The following ABCB9 variants were observed in gnomAD, a reference collection of about 807,000 sequenced individuals.
ABCB9 encodes ABC-type oligopeptide transporter ABCB9.
A neutral mutation model predicts 62.0 loss-of-function variants in ABCB9; 36 were observed. The observed-to-expected ratio is 0.58, with a 90% CI of 0.45 to 0.77. ABCB9 has a LOEUF of 0.77. ABCB9 is among the 30% of genes least tolerant of loss of function. The pLI is 0.00. For missense variants in ABCB9, 943 were observed against 1,054.7 expected (o/e 0.89, Z 1.47); for synonymous variants, 435 against 461.4 (o/e 0.94, Z 0.73).
chr12:122,950,063 C>T, intron 3 of ABCB9, 145 bp from the exon 4 acceptor site: 1 of 1,123,380 alleles, frequency 8.9e-7, no homozygotes, highest in Non-Finnish European at 1.3e-6. Flanking sequence ...CCCCCTCATT[C>T]CCAGTGGGAG....
Position 122,940,383 on chromosome 12 carries a change from C to G in ABCB9, c.1570-99G>C. The G allele has an allele frequency of 1.4e-6, 2 of 1,397,574 alleles. No homozygotes were observed. The highest frequency in any genetic ancestry group is 5.1e-5 in the Admixed American group (2 of 39,136). 86.6% of individuals were successfully genotyped at this position (1,397,574 alleles called of 1,614,324 possible). On this transcript the variant is annotated intron_variant, in intron 8 of 11. Coordinates refer to ENST00000280560, the MANE Select transcript of ABCB9 (RefSeq NM_019625.4). This position sits in a 1 kb window ranked among gnomAD's most constrained non-coding sequence, Gnocchi z 4.8. The stretch of plus-strand genomic sequence containing the variant: ...CAGGTGGGTGCCCTTCCCAGCCCAC[C>G]CCATGTGCCTCTCCCTCGCTTGGGC...
chr12:122,933,829 G>A (rs2035319622), intron 10 of ABCB9, among the ~76,000 whole-genome samples: 1 of 152,094 alleles, frequency 6.6e-6, no homozygotes, highest in South Asian at 2.1e-4. Context: ...CATATACACT[G>A]TGGAATAGCT....
chr12:122,969,425 G>C (rs1302964976), upstream of ABCB9, among the ~76,000 whole-genome samples: 2 of 152,200 alleles, frequency 1.3e-5, no homozygotes, highest in Non-Finnish European at 2.9e-5. Context: ...GAATTGTATG[G>C]TATGTACAGT....
In ABCB9 at chr12:122,932,421, G is replaced by C. The variant is rs1252178098; in HGVS notation, c.1904-93C>G. ...AGGCCCTGCCCTGCAGCTGTGGAAAGGGCGGGCTGGAACCCACAACTTGAA... is the reference window on the plus strand; with the variant it reads ...AGGCCCTGCCCTGCAGCTGTGGAAACGGCGGGCTGGAACCCACAACTTGAA... On this transcript the variant is annotated intron_variant, in intron 10 of 11. Transcript: ENST00000280560. The surrounding 1 kb of genome is among the most constrained non-coding windows in gnomAD (Gnocchi z 4.7). 4 of 1,448,710 alleles carry C rather than the reference G, an allele frequency of 2.8e-6. No homozygotes were observed. The highest frequency in any genetic ancestry group is 3.7e-6 in the Non-Finnish European group (4 of 1,094,202). 89.7% of individuals were successfully genotyped at this position (1,448,710 alleles called of 1,614,324 possible).
rs2036185717 is a variant in ABCB9 at position 122,948,696 on chromosome 12, C to T, written c.981G>A (p.Gln327=). ...VVVFMFSLSW[Q]LSLVTFMGFP... is the part of the protein sequence containing the mutation. Reference sequence around the variant, plus strand: ...AGCCCATGAAGGTGACCAAGGAGAGCTGCCATGAGAGGCTGAACATGAAGA... The same window carrying T: ...AGCCCATGAAGGTGACCAAGGAGAGTTGCCATGAGAGGCTGAACATGAAGA... The change falls in exon 5 of 12, where the codon CAG becomes CAA. Residue 327 remains glutamine, a synonymous_variant. Transcript: ENST00000280560. 3 of 1,614,068 alleles carry T rather than the reference C, an allele frequency of 1.9e-6. No individual in the cohort carries two copies. Among genetic ancestry groups the T allele is most frequent in the East Asian group, 4.5e-5 (2 of 44,876 alleles).
At chr12:122,945,896 A>G in intron 6 of ABCB9, 129 bp downstream of exon 6, 3 of 950,050 alleles carry the variant, frequency 3.2e-6, no homozygotes, top group Non-Finnish European at 4.6e-6. Flanking sequence ...AAAAAAAAAA[A>G]AAGAAAGACA....
chr12:122,940,329 C>G lies in ABCB9; in HGVS notation c.1570-45G>C, dbSNP rs761210567. ...ACAGTGCGGGGTTATCGGCTCAGGT[C>G]CCAGGACTGGATGCCCTGACCTTGG... On this transcript the variant is annotated intron_variant, in intron 8 of 11. Coordinates refer to ENST00000280560, the MANE Select transcript of ABCB9 (RefSeq NM_019625.4). This position sits in a 1 kb window ranked among gnomAD's most constrained non-coding sequence, Gnocchi z 4.8. 2 of 1,518,488 alleles carry G rather than the reference C, an allele frequency of 1.3e-6. No individual in the cohort carries two copies. Among genetic ancestry groups the G allele is most frequent in the Non-Finnish European group, 1.8e-6 (2 of 1,131,266 alleles). The allele number at this position is 1,518,488 out of a possible 1,614,324, so 94.1% of individuals were successfully genotyped here. A position where few individuals can be genotyped will look rare whatever the true frequency, so the allele number is the denominator to read the frequency against.
At chr12:122,961,605 T>C (rs1464737151) in intron 1 of ABCB9, among the ~76,000 whole-genome samples, 4 of 152,154 alleles carry the variant, frequency 2.6e-5, no homozygotes, top group Admixed American at 2.0e-4. Flanking sequence ...GAAAAGCACT[T>C]GGCACAGGTG....
At chr12:122,939,205 C>G (rs2035611985) in intron 9 of ABCB9, among the ~76,000 whole-genome samples, 1 of 152,100 alleles carries the variant, frequency 6.6e-6, no homozygotes, top group Non-Finnish European at 1.5e-5. Context: ...ACCCAAATAC[C>G]CAGAATGCAT....
intron 1 of ABCB9, among the ~76,000 whole-genome samples, chr12:122,965,508 C>T (rs2037123912): frequency 6.6e-6 from 1 of 152,212 alleles, no homozygotes. Context: ...CCTGCTGAGC[C>T]TCTGGCAGCC....
Position 122,946,653 on chromosome 12 carries a change from A to G in ABCB9, c.1054-431T>C, listed in dbSNP as rs79362959. Among the ~76,000 whole-genome samples, 1,082 of 152,344 alleles carry G rather than the reference A, an allele frequency of 7.1e-3. 13 individuals carry two copies. The highest frequency in any genetic ancestry group is 0.024 in the African/African-American group (996 of 41,578). ...AAACACCAACTATTAAAGGGGCACC[A>G]TTTACATCATCAACATAAATTATGT... On this transcript the variant is annotated intron_variant, in intron 5 of 11. Transcript: ENST00000280560.
intron 11 of ABCB9, among the ~76,000 whole-genome samples, chr12:122,922,980 T>A (rs557976103): frequency 3.2e-4 from 49 of 152,094 alleles, no homozygotes; most frequent in Non-Finnish European, 4.1e-4. Flanking sequence ...TTCTTTTTTT[T>A]AAAGTTTTTA....
chr12:122,953,040 G>T (rs112454025), intron 2 of ABCB9: 1 of 152,118 alleles, frequency 6.6e-6, no homozygotes, highest in South Asian at 2.1e-4. Context: ...CTTTACAATA[G>T]CCCACAAGGA....
rs2036084560 is a variant in ABCB9, at chr12:122,947,120, T to C, written c.1054-898A>G. Reference sequence around the variant, plus strand: ...ACCCAAACAGAGCCTTCCTGAGGCCTCCCTTAGCTGAACTAAAAGGCAGGG... The same window carrying C: ...ACCCAAACAGAGCCTTCCTGAGGCCCCCCTTAGCTGAACTAAAAGGCAGGG... On this transcript the variant is annotated intron_variant, in intron 5 of 11. Transcript: ENST00000280560. This position sits in a 1 kb window ranked among gnomAD's most constrained non-coding sequence, Gnocchi z 6.0. Among the ~76,000 whole-genome samples the C allele has an allele frequency of 6.6e-6, 1 of 152,102 alleles. No individual in the cohort carries two copies. Among genetic ancestry groups the C allele is most frequent in the African/African-American group, 2.4e-5 (1 of 41,394 alleles).
chr12:122,963,651 T>A (rs767344949), intron 1 of ABCB9, among the ~76,000 whole-genome samples: 1 of 151,144 alleles, frequency 6.6e-6, no homozygotes, highest in Non-Finnish European at 1.5e-5. Context: ...CAAAACAGCC[T>A]CTCCAGGAGG....
At position 122,950,569 on chromosome 12, in the gene ABCB9, G is replaced by A. The variant is rs1380493952; in HGVS notation, c.602-4C>T. The A allele has an allele frequency of 8.1e-6, 13 of 1,609,682 alleles. No homozygotes were observed. The East Asian group carries it at 2.9e-4, about 36-fold the overall frequency. Reference sequence around the variant, plus strand: ...TAGTAGGGCAGGAAGGTCTCTCCTGGGGGAGGCAGGGCAGCCTCAGGGACG... The same window carrying A: ...TAGTAGGGCAGGAAGGTCTCTCCTGAGGGAGGCAGGGCAGCCTCAGGGACG... On this transcript the variant is annotated splice_polypyrimidine_tract_variant and splice_region_variant and intron_variant, in intron 2 of 11. Transcript: ENST00000280560.
chr12:122,949,714 A>G (rs2036249967), intron 4 of ABCB9, 74 bp downstream of exon 4: 13 of 1,583,488 alleles, frequency 8.2e-6, no homozygotes, highest in Non-Finnish European at 1.1e-5. Flanking sequence ...CGCCCATTTC[A>G]TTCCTCAGTG....
chr12:122,919,836 A>AGGTC (rs780987555), downstream of ABCB9, among the ~76,000 whole-genome samples: 19 of 152,060 alleles, frequency 1.2e-4, no homozygotes, highest in Non-Finnish European at 2.6e-4. Context: ...CTGTCACCTT[A>AGGTC]GGTCGCTGTT....
downstream of ABCB9, among the ~76,000 whole-genome samples, chr12:122,925,129 C>T (rs920361185): frequency 2.6e-5 from 4 of 152,164 alleles, no homozygotes; most frequent in African/African-American, 7.2e-5. Flanking sequence ...CCACGTTGCC[C>T]AGGCTGGTCT....
Sources: allele counts gnomAD v4.1 joint callset (sites outside exome capture counted in the v4.1 genomes callset), GRCh38; gene constraint gnomAD v4.1.1; non-coding constraint Gnocchi (gnomAD v3.1); transcripts MANE v1.5; gene names NCBI Gene and HGNC (gene_info 2026-07-23, HGNC 2026-07-21).